Variants in SIRPA observed in about 807,000 individuals in gnomAD.
The protein encoded by SIRPA is tyrosine-protein phosphatase non-receptor type substrate 1.
A neutral mutation model predicts 50.3 loss-of-function variants in SIRPA; 9 were observed. The ratio of observed to expected loss-of-function variants is 0.18; its 90% CI spans 0.11 to 0.31. The LOEUF is 0.31. SIRPA is among the 10% of genes least tolerant of loss of function. The pLI is 1.00. For missense variants in SIRPA, 474 were observed against 661.6 expected (o/e 0.72, Z 3.11); for synonymous variants, 265 against 284.1 (o/e 0.93, Z 0.68).
intron 4 of SIRPA, 139 bp downstream of exon 4, chr20:1,922,784 C>A: frequency 9.5e-7 from 1 of 1,048,676 alleles, no homozygotes; most frequent in Non-Finnish European, 1.3e-6. Context: ...TTAATGTCAG[C>A]TCCATTTCCC....
Position 1,932,193 on chromosome 20 carries a change from C to T in SIRPA, c.1227-2522C>T, listed in dbSNP as rs539041430. Among the ~76,000 whole-genome samples, 13 of 152,250 alleles carry T rather than the reference C, an allele frequency of 8.5e-5. No individual in the cohort carries two copies. The highest frequency in any genetic ancestry group is 3.4e-3 in the Middle Eastern group (1 of 294). On this transcript the variant is annotated intron_variant, in intron 6 of 7. Transcript: ENST00000358771. The surrounding 1 kb of genome is among the most constrained non-coding windows in gnomAD (Gnocchi z 6.0). Reference sequence around the variant, plus strand: ...TCCTCCCTGTGTGAAGCTCAGTGTCCGCTGAGGAGACAGGTTACCAGACAA... The same window carrying T: ...TCCTCCCTGTGTGAAGCTCAGTGTCTGCTGAGGAGACAGGTTACCAGACAA...
intron 1 of SIRPA, 82 bp from the exon 2 acceptor site, chr20:1,915,017 A>G (rs1289540546): frequency 6.2e-6 from 7 of 1,137,768 alleles, no homozygotes; most frequent in African/African-American, 4.6e-5. Flanking sequence ...CATCCAGTCA[A>G]TGAACGTCAT....
rs1268680122 is a variant in SIRPA, at chr20:1,928,396, T to C, written c.1226+497T>C. On this transcript the variant is annotated intron_variant, in intron 6 of 7. Coordinates refer to ENST00000358771, the MANE Select transcript of SIRPA (RefSeq NM_001040023.2). The surrounding 1 kb of genome is among the most constrained non-coding windows in gnomAD (Gnocchi z 4.9). ...TCAGACGGTGACATTACATCACTGA[T>C]GTACGTCACCGATGGCACTTTAGTT... Among the ~76,000 whole-genome samples the C allele has an allele frequency of 6.6e-6, 1 of 152,204 alleles. No homozygotes were observed. Among genetic ancestry groups the C allele is most frequent in the Non-Finnish European group, 1.5e-5 (1 of 68,044 alleles).
At position 1,927,927 on chromosome 20, in the gene SIRPA, T is replaced by C. The variant is rs781001855; in HGVS notation, c.1226+28T>C. On this transcript the variant is annotated intron_variant, in intron 6 of 7. Coordinates refer to ENST00000358771, the MANE Select transcript of SIRPA (RefSeq NM_001040023.2). This position sits in a 1 kb window ranked among gnomAD's most constrained non-coding sequence, Gnocchi z 6.5. ...AAGTGCATCATTGGTCCAGACCCTC[T>C]TGCAGTTATTATTTGGTTATTTGAC... 21 of 1,605,144 alleles carry C rather than the reference T, an allele frequency of 1.3e-5. No homozygotes were observed. Among genetic ancestry groups the C allele is most frequent in the Non-Finnish European group, 1.7e-5 (20 of 1,171,876 alleles).
chr20:1,924,462 G>A lies in SIRPA; in HGVS notation c.1088-302G>A, dbSNP rs540043623. 8.9e-4 allele frequency among the ~76,000 whole-genome samples: 135 copies of A among 152,342 alleles called. 1 individual carries two copies. The highest frequency in any genetic ancestry group is 3.0e-3 in the African/African-American group (124 of 41,586). On this transcript the variant is annotated intron_variant, in intron 4 of 7. Transcript: ENST00000358771. This position sits in a 1 kb window ranked among gnomAD's most constrained non-coding sequence, Gnocchi z 4.5. ...TGGTTCACTCCAGATGAGAAGGAAC[G>A]TTTCTGTTCCTCAGGAGTGAGATTT... is the stretch of plus-strand genomic sequence containing the variant.
chr20:1,930,265 A>G (rs1207407643), intron 6 of SIRPA, among the ~76,000 whole-genome samples: 1 of 152,174 alleles, frequency 6.6e-6, no homozygotes, highest in East Asian at 1.9e-4. Flanking sequence ...CTGGTGCCGC[A>G]GCGTGGACAC....
rs1043232893 is a variant in SIRPA at position 1,933,479 on chromosome 20, G to A, written c.1227-1236G>A. 1.3e-5 allele frequency among the ~76,000 whole-genome samples: 2 copies of A among 151,486 alleles called. No homozygotes were observed. Among genetic ancestry groups the A allele is most frequent in the East Asian group, 1.9e-4 (1 of 5,168 alleles). ...CAGTGAATTAGCCTGGAGGCAGCAC[G>A]TCAGACCACGTGGGACTCTGAGCAG... On this transcript the variant is annotated intron_variant, in intron 6 of 7. Coordinates refer to ENST00000358771, the MANE Select transcript of SIRPA (RefSeq NM_001040023.2). The surrounding 1 kb of genome is among the most constrained non-coding windows in gnomAD (Gnocchi z 4.4).
chr20:1,909,124 A>G (rs1421813320), intron 1 of SIRPA, among the ~76,000 whole-genome samples: 1 of 152,250 alleles, frequency 6.6e-6, no homozygotes, highest in African/African-American at 2.4e-5. Context: ...GCCGGGTATC[A>G]CTGCAGCCAC....
rs764073979 is a variant in SIRPA at position 1,915,370 on chromosome 20, C to T, written c.351C>T (p.Gly117=). The T allele has an allele frequency of 1.2e-5, 20 of 1,610,680 alleles. 1 individual carries two copies. In the South Asian group the frequency reaches 2.1e-4, roughly 17 times the overall value. The change falls in exon 2 of 8, where the codon GGC becomes GGT. Residue 117 remains glycine (G), a synonymous_variant. Transcript: ENST00000358771. ...GTAACATCACCCCAGCAGATGCCGG[C>T]ACCTACTACTGTGTGAAGTTCCGGA... The part of the protein sequence containing the change: ...RIGNITPADA[G]TYYCVKFRKG...
chr20:1,901,726 G>A (rs1984223069), intron 1 of SIRPA, among the ~76,000 whole-genome samples: 1 of 152,192 alleles, frequency 6.6e-6, no homozygotes, highest in Admixed American at 6.5e-5. Context: ...CGGAAATGCT[G>A]CAGAATTGGT....
intron 2 of SIRPA, among the ~76,000 whole-genome samples, chr20:1,918,583 G>A (rs1031281820): frequency 1.4e-4 from 21 of 151,952 alleles, no homozygotes; most frequent in African/African-American, 4.6e-4. Context: ...GTTTCCCCAT[G>A]CGTAGAACGT....
At chr20:1,909,825 A>G (rs1984781911) in intron 1 of SIRPA, among the ~76,000 whole-genome samples, 2 of 152,214 alleles carry the variant, frequency 1.3e-5, no homozygotes, top group Admixed American at 6.5e-5. Context: ...TTCACCCTTT[A>G]TGAAATATTT....
Position 1,902,892 on chromosome 20 carries a change from AT to A in SIRPA, c.79+7367del, listed in dbSNP as rs1488395095. On this transcript the variant is annotated intron_variant, in intron 1 of 7. Transcript: ENST00000358771. ...CCGGGCATGGTGGCGTGCGCCTGGA[AT>A]CCCAGCTACTCTGGAGGCTGCGGCA... is the stretch of plus-strand genomic sequence containing the variant. 7.9e-5 allele frequency among the ~76,000 whole-genome samples: 12 copies of A among 151,994 alleles called. No homozygotes were observed. In the South Asian group the frequency reaches 1.5e-3, roughly 18 times the overall value.
intron 6 of SIRPA, among the ~76,000 whole-genome samples, chr20:1,931,991 T>C (rs1298734542): frequency 2.0e-5 from 3 of 151,862 alleles, no homozygotes; most frequent in African/African-American, 7.3e-5. Context: ...GAGCAGAGGG[T>C]TGCAAAGGGG....
Position 1,913,444 on chromosome 20 carries a change from GTCTC to G in SIRPA, c.80-1650_80-1647del, listed in dbSNP as rs553767362. Among the ~76,000 whole-genome samples the G allele has an allele frequency of 2.1e-4, 32 of 152,332 alleles. 1 individual carries two copies. The East Asian group carries it at 6.0e-3, about 29-fold the overall frequency. Reference sequence around the variant, plus strand: ...ATGGGTTGGTGGGCAAATTCACAGGGTCTCTCTCCTCCCCAGCCAGAGCCAGAGG... The same window carrying G: ...ATGGGTTGGTGGGCAAATTCACAGGGTCTCCTCCCCAGCCAGAGCCAGAGG... On this transcript the variant is annotated intron_variant, in intron 1 of 7. Coordinates refer to ENST00000358771, the MANE Select transcript of SIRPA (RefSeq NM_001040023.2).
intron 1 of SIRPA, among the ~76,000 whole-genome samples, chr20:1,910,483 C>T (rs901010953): frequency 6.6e-6 from 1 of 152,160 alleles, no homozygotes; most frequent in Non-Finnish European, 1.5e-5. Flanking sequence ...CACAGCATGC[C>T]ATGTTTAACT....
intron 1 of SIRPA, 138 bp downstream of exon 1, chr20:1,895,664 G>C: frequency 1.5e-6 from 1 of 650,846 alleles, no homozygotes; most frequent in Non-Finnish European, 2.3e-6. Flanking sequence ...TATAGATGCA[G>C]AAACTGAGGC....
In SIRPA at chr20:1,932,905, C is replaced by T. The variant is rs777588362; in HGVS notation, c.1227-1810C>T. On this transcript the variant is annotated intron_variant, in intron 6 of 7. Coordinates refer to ENST00000358771, the MANE Select transcript of SIRPA (RefSeq NM_001040023.2). This position sits in a 1 kb window ranked among gnomAD's most constrained non-coding sequence, Gnocchi z 6.0. ...GAGCTATTCACTGAAATAGGAAAAT[C>T]CAGGGGAGACACAGATATGGGGAAA... 6.6e-6 allele frequency among the ~76,000 whole-genome samples: 1 copy of T among 152,122 alleles called. No individual in the cohort carries two copies. Among genetic ancestry groups the T allele is most frequent in the South Asian group, 2.1e-4 (1 of 4,818 alleles).
intron 1 of SIRPA, among the ~76,000 whole-genome samples, chr20:1,895,876 G>C (rs954138533): frequency 2.0e-5 from 3 of 152,196 alleles, no homozygotes; most frequent in African/African-American, 7.2e-5. Flanking sequence ...AGGGCCGTCC[G>C]GCTTCCCCAG....
Sources: allele counts gnomAD v4.1 joint callset (sites outside exome capture counted in the v4.1 genomes callset), GRCh38; gene constraint gnomAD v4.1.1; non-coding constraint Gnocchi (gnomAD v3.1); transcripts MANE v1.5; gene names NCBI Gene and HGNC (gene_info 2026-07-23, HGNC 2026-07-21).